The following ARHGEF7 variants were observed in gnomAD, a reference collection of about 807,000 sequenced individuals.
ARHGEF7 encodes the protein Rho guanine nucleotide exchange factor 7.
In ARHGEF7, 33 loss-of-function variants were observed where a neutral mutation model predicts 109.8. That is an observed-to-expected ratio of 0.30 (90% CI 0.23 to 0.40). The LOEUF (loss-of-function observed/expected upper bound fraction) is 0.40. Among genes scored for constraint, ARHGEF7 ranks in the 10% least tolerant of loss-of-function variants. The probability of loss-of-function intolerance (pLI) is 1.00; values close to 1 mark genes in which losing one functional copy is unlikely to be tolerated. For synonymous variants in ARHGEF7, 458 were observed against 424.6 expected (o/e 1.08, Z -0.97); for missense variants, 938 against 1,098.5 (o/e 0.85, Z 2.07).
intron 1 of ARHGEF7, among the ~76,000 whole-genome samples, chr13:111,127,384 T>A (rs533929447): frequency 2.6e-5 from 4 of 152,142 alleles, no homozygotes; most frequent in African/African-American, 9.6e-5. Context: ...TTGGGCCAGG[T>A]GCAGTGGCTC....
intron 2 of ARHGEF7, among the ~76,000 whole-genome samples, chr13:111,161,097 CTA>C (rs903548611): frequency 1.2e-4 from 18 of 147,412 alleles, no homozygotes; most frequent in Admixed American, 6.0e-4. Context: ...CAACTGATAA[CTA>C]TAATGAAAAT....
At chr13:111,218,356 A>G (rs1430863000) in intron 5 of ARHGEF7, among the ~76,000 whole-genome samples, 1 of 152,016 alleles carries the variant, frequency 6.6e-6, no homozygotes, top group Non-Finnish European at 1.5e-5. Flanking sequence ...AGTTGTTCAC[A>G]TTGTTTCACT....
Position 111,272,806 on chromosome 13 carries a change from C to T in ARHGEF7, c.1074-1008C>T, listed in dbSNP as rs892461180. 6.6e-6 allele frequency among the ~76,000 whole-genome samples: 1 copy of T among 152,142 alleles called. No homozygotes were observed. The highest frequency in any genetic ancestry group is 1.5e-5 in the Non-Finnish European group (1 of 68,030). On this transcript the variant is annotated intron_variant, in intron 9 of 21. Coordinates refer to ENST00000646102, the MANE Select transcript of ARHGEF7 (RefSeq NM_001354046.2). This position sits in a 1 kb window ranked among gnomAD's most constrained non-coding sequence, Gnocchi z 5.2. ...CATGCAATTTGAGGGACAGCAGACC[C>T]AGGGCCTGACAGAGACCTCAGAGAT...
In ARHGEF7 at chr13:111,280,668, A is replaced by G. The variant is rs1172665929; in HGVS notation, c.1716A>G (p.Pro572=). 2 of 1,587,694 alleles carry G rather than the reference A, an allele frequency of 1.3e-6. No individual in the cohort carries two copies. Among genetic ancestry groups the G allele is most frequent in the Non-Finnish European group, 1.7e-6 (2 of 1,168,650 alleles). Residue 572 remains proline (P), a synonymous_variant, in exon 15 of 22, where the codon CCA becomes CCG. Coordinates refer to ENST00000646102, the MANE Select transcript of ARHGEF7 (RefSeq NM_001354046.2). ...GNPTIKPHSV[P]SHTLPSHPVT... ...CCACCATAAAGCCTCATTCAGTGCC[A>G]TCTCATACCGTAAGGACTTGGTGCT...
intron 2 of ARHGEF7, chr13:111,185,035 T>A (rs2079110839): frequency 6.6e-6 from 1 of 152,250 alleles, no homozygotes; most frequent in African/African-American, 2.4e-5. Context: ...CAGAGACTGT[T>A]GTGTGGGCCT....
rs915191920 is a variant in ARHGEF7 at position 111,266,894 on chromosome 13, G to A, written c.951-654G>A. The A allele has an allele frequency of 1.2e-4, 54 of 456,074 alleles. No homozygotes were observed. The highest frequency in any genetic ancestry group is 1.7e-4 in the Non-Finnish European group (38 of 226,812). 28.3% of individuals were successfully genotyped at this position (456,074 alleles called of 1,614,324 possible). A position where few individuals can be genotyped will look rare whatever the true frequency, so the allele number is the denominator to read the frequency against. The stretch of plus-strand genomic sequence containing the variant: ...AACTCTGAGGTCTGGAGAGGTGAGC[G>A]TGTACCCCGTTAGGCACACCCAACA... On this transcript the variant is annotated intron_variant, in intron 8 of 21. Coordinates refer to ENST00000646102, the MANE Select transcript of ARHGEF7 (RefSeq NM_001354046.2). The surrounding 1 kb of genome is among the most constrained non-coding windows in gnomAD (Gnocchi z 4.8).
At chr13:111,267,433 C>A (rs1595364283) in intron 8 of ARHGEF7, 115 bp from the exon 9 acceptor site, 2 of 1,394,586 alleles carry the variant, frequency 1.4e-6, no homozygotes, top group South Asian at 2.6e-5. Context: ...CTCTGGTTTT[C>A]ACAGATGGGT....
intron 1 of ARHGEF7, among the ~76,000 whole-genome samples, chr13:111,142,747 CT>C (rs1169639151): frequency 1.3e-5 from 2 of 152,202 alleles, no homozygotes; most frequent in African/African-American, 4.8e-5. Context: ...CACTTTCTTC[CT>C]CTGGGTGAAT....
chr13:111,233,329 T>G, intron 6 of ARHGEF7, 36 bp downstream of exon 6: 1 of 1,536,138 alleles, frequency 6.5e-7, no homozygotes, highest in Non-Finnish European at 9.0e-7. Context: ...ACTAACTGGT[T>G]TTTGACTGCC....
At chr13:111,220,935 G>A (rs2083759740) in intron 5 of ARHGEF7, among the ~76,000 whole-genome samples, 1 of 136,936 alleles carries the variant, frequency 7.3e-6, no homozygotes, top group South Asian at 2.5e-4. Flanking sequence ...AGAACTAATA[G>A]TATTCTCCTG....
intron 1 of ARHGEF7, among the ~76,000 whole-genome samples, chr13:111,147,953 TC>T (rs2075695178): frequency 1.3e-5 from 2 of 152,114 alleles, no homozygotes; most frequent in East Asian, 3.9e-4. Context: ...CGCCTCGGCC[TC>T]CCAAAGTGCT....
chr13:111,177,183 C>T (rs926194356), intron 2 of ARHGEF7, among the ~76,000 whole-genome samples: 2 of 152,206 alleles, frequency 1.3e-5, no homozygotes. Flanking sequence ...GCGGGAGAAA[C>T]GGAGGTATTG....
In ARHGEF7 at chr13:111,267,564, CAG is replaced by C. The variant is rs752549903; in HGVS notation, c.972_973del (p.Arg324SerfsTer35). 2 of 1,614,026 alleles carry C rather than the reference CAG, an allele frequency of 1.2e-6. No individual in the cohort carries two copies. Among genetic ancestry groups the C allele is most frequent in the Admixed American group, 1.7e-5 (1 of 60,014 alleles). On this transcript the variant is annotated frameshift_variant, in exon 9 of 22. Coordinates refer to ENST00000646102, the MANE Select transcript of ARHGEF7 (RefSeq NM_001354046.2). LOFTEE classifies it high-confidence loss of function. ...TTTCTCCAGGTTGCCCGAAGCTCAG[CAG>C]AGAGTCGGAGGCTGCTTTTTAAACC... ...EECTKLPEAQ[Q>X]RVGGCFLNLM... is the part of the protein sequence containing the mutation.
chr13:111,275,570 G>A lies in ARHGEF7; in HGVS notation c.1311G>A (p.Glu437=), dbSNP rs2092427881. The stretch of plus-strand genomic sequence containing the variant: ...AAGTCCGGAAGAGGAAAGAGCTTGA[G>A]CTGCAGATCCTGACGGAAGCCATCC... ...CQEVRKRKEL[E]LQILTEAIRN... Residue 437 remains glutamate (E), a synonymous_variant, in exon 12 of 22, where the codon GAG becomes GAA. Transcript: ENST00000646102. The A allele has an allele frequency of 1.9e-6, 3 of 1,614,002 alleles. No individual in the cohort carries two copies. The highest frequency in any genetic ancestry group is 1.7e-5 in the Admixed American group (1 of 60,000).
At chr13:111,133,977 G>A (rs1467832804) in intron 1 of ARHGEF7, among the ~76,000 whole-genome samples, 11 of 131,942 alleles carry the variant, frequency 8.3e-5, no homozygotes, top group African/African-American at 3.1e-4. Context: ...AACAGGCCCC[G>A]GTGTGTGATA....
rs1441996394 is a variant in ARHGEF7 at position 111,244,271 on chromosome 13, A to G, written c.927A>G (p.Val309=). The part of the protein sequence containing the change: ...EEICSFQQML[V]QSLEECTKLP... ...TATGTTCTTTCCAGCAAATGCTCGT[A>G]CAGTCTTTAGAAGAATGCACCAAGT... Residue 309 remains valine (V), a synonymous_variant, in exon 8 of 22, where the codon GTA becomes GTG. Coordinates refer to ENST00000646102, the MANE Select transcript of ARHGEF7 (RefSeq NM_001354046.2). 1.8e-5 allele frequency: 29 copies of G among 1,607,516 alleles called. No homozygotes were observed. Among genetic ancestry groups the G allele is most frequent in the African/African-American group, 2.7e-5 (2 of 74,684 alleles).
In ARHGEF7 at chr13:111,273,751, G is replaced by A. The variant is rs1211280010; in HGVS notation, c.1074-63G>A. 1 of 1,593,890 alleles carries A rather than the reference G, an allele frequency of 6.3e-7. No homozygotes were observed. The highest frequency in any genetic ancestry group is 2.2e-5 in the East Asian group (1 of 44,462). On this transcript the variant is annotated intron_variant, in intron 9 of 21. Coordinates refer to ENST00000646102, the MANE Select transcript of ARHGEF7 (RefSeq NM_001354046.2). The surrounding 1 kb of genome is among the most constrained non-coding windows in gnomAD (Gnocchi z 4.5). ...AATTCTGGCTGTTGCTCATGGAGAT[G>A]AGAGAGCCACCATTGTCTCTCATTG...
chr13:111,120,484 CAG>C lies in ARHGEF7; in HGVS notation c.165+4795_165+4796del, dbSNP rs1491014267. On this transcript the variant is annotated intron_variant, in intron 1 of 21. Transcript: ENST00000646102. ...ACATGCATGTAAATACACACACACA[CAG>C]ACACATGCGTGTACATAGACACGCA... Among the ~76,000 whole-genome samples the C allele has an allele frequency of 3.3e-5, 5 of 150,296 alleles. No individual in the cohort carries two copies. The East Asian group carries it at 9.7e-4, about 29-fold the overall frequency.
intron 10 of ARHGEF7, among the ~76,000 whole-genome samples, 189 bp downstream of exon 10, chr13:111,274,141 T>C (rs1010417778): frequency 2.0e-5 from 3 of 152,198 alleles, no homozygotes; most frequent in African/African-American, 7.2e-5. Context: ...TTACCCCTTA[T>C]CTCTCTTTTA....
Sources: gnomAD v4.1 joint callset for allele counts (sites outside exome capture counted in the v4.1 genomes callset) on GRCh38, gnomAD v4.1.1 for gene constraint, Gnocchi (gnomAD v3.1) non-coding constraint, MANE v1.5 for transcripts, NCBI Gene and HGNC (gene_info 2026-07-23, HGNC 2026-07-21) for gene names.